COL1A2: variants seen among roughly 807,000 people sequenced by gnomAD.
The protein encoded by COL1A2 is collagen type I alpha 2 chain.
COL1A2 carries 49 observed loss-of-function variants against 174.3 expected under a neutral mutation model. The observed-to-expected ratio is 0.28, with a 90% CI of 0.22 to 0.36. The LOEUF is 0.36. Ranked by LOEUF, COL1A2 falls within the 10% of genes least tolerant of loss-of-function variation. The pLI, the probability that COL1A2 is intolerant of heterozygous loss-of-function variation, is 1.00. For missense variants in COL1A2, 1,438 were observed against 1,822.7 expected, an observed-to-expected ratio of 0.79 and a Z score of 3.84; for synonymous variants, 655 against 606.6, an observed-to-expected ratio of 1.08 and a Z score of -1.17.
chr7:94,404,634 A>G, intron 7 of COL1A2, 34 bp downstream of exon 7: 1 of 1,614,136 alleles, frequency 6.2e-7, no homozygotes. Flanking sequence ...CCTCTTATGT[A>G]AAAAGACAGA....
At chr7:94,419,338 G>A (rs1346371253) in intron 33 of COL1A2, 160 bp from the exon 34 acceptor site, 2 of 789,530 alleles carry the variant, frequency 2.5e-6, no homozygotes, top group South Asian at 1.5e-5. Flanking sequence ...TAATAGTCTT[G>A]TTAATTAGAA....
At position 94,416,520 on chromosome 7, in the gene COL1A2, T is replaced by A. The variant is rs1392318995; in HGVS notation, c.1863+17T>A. The A allele has an allele frequency of 6.5e-6, 10 of 1,544,862 alleles. No individual in the cohort carries two copies. The highest frequency in any genetic ancestry group is 8.8e-6 in the Non-Finnish European group (10 of 1,138,986). On this transcript the variant is annotated intron_variant, in intron 31 of 51. Coordinates refer to ENST00000297268, the MANE Select transcript of COL1A2 (RefSeq NM_000089.4). ...GGAAACAAGGTAAAATCTTATGTTTTCTATATTGCTGGTTTGGCCCAGTCT... is the reference window on the plus strand; with the variant it reads ...GGAAACAAGGTAAAATCTTATGTTTACTATATTGCTGGTTTGGCCCAGTCT...
At position 94,414,266 on chromosome 7, in the gene COL1A2, A is replaced by T. The variant is rs373341681; in HGVS notation, c.1710A>T (p.Pro570=). Reference sequence around the variant, plus strand: ...GTCCCGCTGGTGAAGTTGGCAAACCAGGAGAAAGGGTGAGTAAAACAAGTA... The same window carrying T: ...GTCCCGCTGGTGAAGTTGGCAAACCTGGAGAAAGGGTGAGTAAAACAAGTA... ...PSGPAGEVGK[P]GERGLHGEFG... The change falls in exon 29 of 52, where the codon CCA becomes CCT. Residue 570 remains proline (P), a synonymous_variant. Transcript: ENST00000297268. The T allele has an allele frequency of 2.5e-6, 4 of 1,614,142 alleles. No homozygotes were observed. The highest frequency in any genetic ancestry group is 3.4e-6 in the Non-Finnish European group (4 of 1,179,996).
intron 9 of COL1A2, 21 bp from the exon 10 acceptor site, chr7:94,405,178 C>T (rs1460327456): frequency 1.9e-6 from 3 of 1,613,448 alleles, no homozygotes; most frequent in African/African-American, 2.7e-5. Context: ...GAAGTTGACT[C>T]TACAATGTTT....
rs542566908 is a variant in COL1A2 at position 94,423,082 on chromosome 7, T to A, written c.2529T>A (p.Ala843=). The part of the protein sequence containing the change: ...EVGAVGPPGF[A]GEKGPSGEAG... ...GTGCAGTTGGTCCCCCTGGCTTCGC[T>A]GGTGAGAAGGGTCCCTCTGGAGAGG... Residue 843 remains alanine (A), a synonymous_variant, in exon 40 of 52, where the codon GCT becomes GCA. Transcript: ENST00000297268. 1 of 1,614,182 alleles carries A rather than the reference T, an allele frequency of 6.2e-7. No homozygotes were observed. Among genetic ancestry groups the A allele is most frequent in the South Asian group, 1.1e-5 (1 of 91,078 alleles).
At chr7:94,402,199 A>G (rs949010398) in intron 6 of COL1A2, among the ~76,000 whole-genome samples, 3 of 152,118 alleles carry the variant, frequency 2.0e-5, no homozygotes, top group African/African-American at 7.2e-5. Flanking sequence ...ATCATGGTTT[A>G]TGTACCTAGT....
At chr7:94,402,304 A>G (rs1791703589) in intron 6 of COL1A2, among the ~76,000 whole-genome samples, 1 of 152,160 alleles carries the variant, frequency 6.6e-6, no homozygotes, top group African/African-American at 2.4e-5. Flanking sequence ...TACAAGGAAT[A>G]TGACAGATTC....
chr7:94,417,909 A>G lies in COL1A2; in HGVS notation c.1971+78A>G, dbSNP rs1792075611. The G allele has an allele frequency of 3.3e-6, 4 of 1,208,976 alleles. 1 individual carries two copies. The South Asian group carries it at 3.9e-5, about 12-fold the overall frequency. 74.9% of individuals were successfully genotyped at this position (1,208,976 alleles called of 1,614,324 possible). ...GCACAAGGATGCCCAAGTTTTCACA[A>G]TTCTTGGCAGGTGGTCTGGTAGCAT... On this transcript the variant is annotated intron_variant, in intron 32 of 51. Coordinates refer to ENST00000297268, the MANE Select transcript of COL1A2 (RefSeq NM_000089.4).
chr7:94,403,130 C>T (rs942555273), intron 6 of COL1A2, among the ~76,000 whole-genome samples: 7 of 152,134 alleles, frequency 4.6e-5, no homozygotes, highest in Admixed American at 6.5e-5. Context: ...TAAAGAGCTA[C>T]TAAATGTCAT....
chr7:94,421,640 G>A (rs1215178527), intron 38 of COL1A2, among the ~76,000 whole-genome samples: 1 of 152,152 alleles, frequency 6.6e-6, no homozygotes, highest in East Asian at 1.9e-4. Context: ...TAATATGTCA[G>A]CATTTCAGAA....
At chr7:94,409,936 C>A in intron 19 of COL1A2, 115 bp downstream of exon 19, 1 of 1,063,532 alleles carries the variant, frequency 9.4e-7, no homozygotes, top group Non-Finnish European at 1.4e-6. Context: ...TCTTCCTTAG[C>A]ATTTTTAGTT....
chr7:94,410,931 G>A lies in COL1A2; in HGVS notation c.1240G>A (p.Ala414Thr). 6.2e-7 allele frequency: 1 copy of A among 1,614,040 alleles called. No individual in the cohort carries two copies. The highest frequency in any genetic ancestry group is 1.7e-5 in the Admixed American group (1 of 60,008). Residue 414 changes from alanine to threonine, a missense_variant, in exon 22 of 52, where the codon GCT (alanine) becomes ACT (threonine). Transcript: ENST00000297268. ...SRGLPGADGRAGVMGPPGSRG... is the reference protein window; with the variant it reads ...SRGLPGADGRTGVMGPPGSRG... ...TGGTCTTCCTGGAGCTGATGGCAGA[G>A]CTGGCGTCATGGTAAGCTGTCTATC...
intron 11 of COL1A2, 60 bp from the exon 12 acceptor site, chr7:94,406,190 A>G: frequency 6.4e-7 from 1 of 1,554,046 alleles, no homozygotes; most frequent in South Asian, 1.1e-5. Flanking sequence ...ATACAATACA[A>G]TTTTTATTTG....
chr7:94,421,769 C>A, intron 38 of COL1A2, 130 bp from the exon 39 acceptor site: 5 of 665,952 alleles, frequency 7.5e-6, no homozygotes, highest in Non-Finnish European at 1.1e-5. Context: ...CTATATGAAG[C>A]TGCCTACCTC....
At chr7:94,395,819 T>A (rs1791572094) in intron 1 of COL1A2, among the ~76,000 whole-genome samples, 1 of 152,142 alleles carries the variant, frequency 6.6e-6, no homozygotes, top group Non-Finnish European at 1.5e-5. Flanking sequence ...AAAAGTAATA[T>A]AAGTGTCTCA....
At position 94,425,679 on chromosome 7, in the gene COL1A2, A is replaced by G. The variant is rs1206711194; in HGVS notation, c.2835+16A>G. 1 of 1,614,052 alleles carries G rather than the reference A, an allele frequency of 6.2e-7. No homozygotes were observed. Among genetic ancestry groups the G allele is most frequent in the Admixed American group, 1.7e-5 (1 of 60,006 alleles). ...CGGACACAAGGTCAGTACACTTTTCATCTTTCTCTAATTCAAAAGTGATTA... is the reference window on the plus strand; with the variant it reads ...CGGACACAAGGTCAGTACACTTTTCGTCTTTCTCTAATTCAAAAGTGATTA... On this transcript the variant is annotated intron_variant, in intron 43 of 51. Transcript: ENST00000297268.
intron 39 of COL1A2, 91 bp downstream of exon 39, chr7:94,422,043 C>T (rs1792175514): frequency 1.9e-6 from 2 of 1,079,322 alleles, no homozygotes; most frequent in African/African-American, 1.6e-5. Flanking sequence ...TTCATGAAAA[C>T]ACATCACTAA....
chr7:94,399,157 G>T (rs1791639300), intron 4 of COL1A2, 73 bp downstream of exon 4: 1 of 1,381,276 alleles, frequency 7.2e-7, no homozygotes, highest in Admixed American at 1.7e-5. Flanking sequence ...TACAGGAACT[G>T]GCAATTTATA....
intron 24 of COL1A2, 141 bp from the exon 25 acceptor site, chr7:94,412,443 G>A: frequency 1.4e-6 from 1 of 714,144 alleles, no homozygotes; most frequent in Middle Eastern, 3.3e-4. Flanking sequence ...AAAGGAAAAT[G>A]GATTCATAAT....
Sources: gnomAD v4.1 joint callset for allele counts (sites outside exome capture counted in the v4.1 genomes callset) on GRCh38, gnomAD v4.1.1 for gene constraint, MANE v1.5 for transcripts, NCBI Gene and HGNC (gene_info 2026-07-23, HGNC 2026-07-21) for gene names.